LRIG3: variants seen among roughly 807,000 people sequenced by gnomAD.
The protein encoded by LRIG3 is leucine-rich repeats and immunoglobulin-like domains protein 3.
LRIG3 carries 76 observed loss-of-function variants against 114.5 expected under a neutral mutation model. The observed-to-expected ratio is 0.66, with a 90% CI of 0.55 to 0.80. The LOEUF (loss-of-function observed/expected upper bound fraction) is 0.80. Ranked by LOEUF, LRIG3 falls within the 30% of genes least tolerant of loss-of-function variation. The pLI is 0.00. For synonymous variants in LRIG3, 512 were observed against 519.8 expected, an observed-to-expected ratio of 0.98 and a Z score of 0.20; for missense variants, 1,239 against 1,382.8, an observed-to-expected ratio of 0.90 and a Z score of 1.65.
At chr12:58,915,625 T>G (rs147512709) in intron 1 of LRIG3, among the ~76,000 whole-genome samples, 3 of 152,152 alleles carry the variant, frequency 2.0e-5, no homozygotes, top group African/African-American at 7.2e-5. Context: ...CAGACATGAG[T>G]AGATTTGTTC....
intron 3 of LRIG3, among the ~76,000 whole-genome samples, chr12:58,896,366 TGTTA>T (rs1328949475): frequency 1.3e-5 from 2 of 152,234 alleles, no homozygotes; most frequent in African/African-American, 4.8e-5. Flanking sequence ...ATATAAATGG[TGTTA>T]GTTTAATTCC....
intron 10 of LRIG3, among the ~76,000 whole-genome samples, chr12:58,885,584 T>C (rs1368595874): frequency 6.6e-6 from 1 of 151,954 alleles, no homozygotes; most frequent in African/African-American, 2.4e-5. Context: ...TAAAAACCCA[T>C]TAAGGAGATA....
chr12:58,896,407 G>A (rs1172738483), intron 3 of LRIG3, among the ~76,000 whole-genome samples: 1 of 152,172 alleles, frequency 6.6e-6, no homozygotes, highest in African/African-American at 2.4e-5. Context: ...ACCACAGAGT[G>A]GAATATTCTT....
At chr12:58,900,537 A>G (rs1871807823) in intron 3 of LRIG3, among the ~76,000 whole-genome samples, 4 of 152,214 alleles carry the variant, frequency 2.6e-5, no homozygotes, top group African/African-American at 7.2e-5. Context: ...TAGAAATTCA[A>G]TGAATGAAAC....
chr12:58,912,357 G>A (rs1023520823), intron 3 of LRIG3, among the ~76,000 whole-genome samples: 6 of 152,106 alleles, frequency 3.9e-5, no homozygotes, highest in African/African-American at 1.2e-4. Flanking sequence ...CTAGCCGGGC[G>A]TAGTGGCGGA....
chr12:58,880,307 A>G (rs1871079968), intron 13 of LRIG3: 2 of 539,866 alleles, frequency 3.7e-6, no homozygotes, highest in Non-Finnish European at 3.4e-6. Flanking sequence ...CTCAAAAAAA[A>G]AAAAAAGAAA....
intron 10 of LRIG3, among the ~76,000 whole-genome samples, chr12:58,883,804 A>G (rs1871191166): frequency 6.6e-6 from 1 of 152,228 alleles, no homozygotes; most frequent in South Asian, 2.1e-4. Context: ...TGTTTTAGTG[A>G]AAAAGATTCA....
At chr12:58,905,925 T>C (rs1872047701) in intron 3 of LRIG3, among the ~76,000 whole-genome samples, 1 of 152,228 alleles carries the variant, frequency 6.6e-6, no homozygotes, top group South Asian at 2.1e-4. Context: ...TCTGTATAGC[T>C]TTCTGCATAG....
chr12:58,887,556 G>A (rs1310849313), intron 8 of LRIG3, among the ~76,000 whole-genome samples: 1 of 152,160 alleles, frequency 6.6e-6, no homozygotes, highest in African/African-American at 2.4e-5. Context: ...GAGATCCTGA[G>A]AAGGTTCACT....
chr12:58,879,248 G>T, intron 13 of LRIG3, 143 bp from the exon 14 acceptor site: 2 of 984,858 alleles, frequency 2.0e-6, no homozygotes, highest in South Asian at 1.8e-5. Flanking sequence ...CCAATTTCAA[G>T]TCAAGGAAAC....
chr12:58,873,919 C>G (rs2293659), intron 18 of LRIG3, 136 bp downstream of exon 18: 36,750 of 993,616 alleles, frequency 0.037, 778 homozygotes, highest in East Asian at 0.047. Context: ...TTTACACTAA[C>G]TAGTCGGATG....
chr12:58,888,374 C>T lies in LRIG3; in HGVS notation c.902G>A (p.Arg301Lys), dbSNP rs758156191. 1.9e-6 allele frequency: 3 copies of T among 1,613,900 alleles called. No individual in the cohort carries two copies. Among genetic ancestry groups the T allele is most frequent in the Non-Finnish European group, 2.5e-6 (3 of 1,179,858 alleles). ...ELHLSQNAIN[R>K]ISPDAWEFCQ... ...GAACTCCCAGGCATCAGGGCTGATC[C>T]TGTTGATGGCATTTTGGCTGAGATG... Residue 301 changes from arginine (R) to lysine (K), a missense_variant, in exon 7 of 19, where the codon AGG (arginine) becomes AAG (lysine). Coordinates refer to ENST00000320743, the MANE Select transcript of LRIG3 (RefSeq NM_153377.5).
chr12:58,880,063 A>G (rs1056156796), intron 13 of LRIG3, among the ~76,000 whole-genome samples: 1 of 152,166 alleles, frequency 6.6e-6, no homozygotes, highest in Non-Finnish European at 1.5e-5. Context: ...TTGTGAGGCC[A>G]AGGTGGGCAG....
chr12:58,879,199 T>C (rs1871036038), intron 13 of LRIG3, 94 bp from the exon 14 acceptor site: 3 of 1,369,858 alleles, frequency 2.2e-6, no homozygotes, highest in Non-Finnish European at 2.9e-6. Flanking sequence ...GTTTGATACT[T>C]ACAGATTGTC....
At chr12:58,904,161 G>A (rs907118509) in intron 3 of LRIG3, among the ~76,000 whole-genome samples, 4 of 152,156 alleles carry the variant, frequency 2.6e-5, no homozygotes, top group Non-Finnish European at 5.9e-5. Flanking sequence ...GCCAAAGAGA[G>A]AGGAGGTGGT....
intron 3 of LRIG3, among the ~76,000 whole-genome samples, chr12:58,896,314 A>T (rs897295849): frequency 6.6e-6 from 1 of 152,218 alleles, no homozygotes; most frequent in Admixed American, 6.5e-5. Context: ...ATCTCCAGAA[A>T]GCATAAGTGT....
rs763562669 is a variant in LRIG3 at position 58,874,301 on chromosome 12, T to C, written c.2869A>G (p.Met957Val). ...GCSPDPRTVL[M>V]DHYEPSYIKK... ...ATGTAACTGGGCTCATAGTGGTCCATTAAAACTGTTCTTGGGTCAGGACTG... is the reference window on the plus strand; with the variant it reads ...ATGTAACTGGGCTCATAGTGGTCCACTAAAACTGTTCTTGGGTCAGGACTG... The change falls in exon 18 of 19, where the codon ATG becomes GTG. Residue 957 changes from methionine (M) to valine (V), a missense_variant. Transcript: ENST00000320743. 1.2e-6 allele frequency: 2 copies of C among 1,612,858 alleles called. No individual in the cohort carries two copies. Among genetic ancestry groups the C allele is most frequent in the South Asian group, 1.1e-5 (1 of 90,798 alleles).
chr12:58,872,479 A>T lies in LRIG3; in HGVS notation c.*93T>A, dbSNP rs528820606. The T allele has an allele frequency of 2.5e-3, 3,331 of 1,359,096 alleles. 5 individuals carry two copies. The highest frequency in any genetic ancestry group is 3.1e-3 in the Non-Finnish European group (3,175 of 1,030,776). The allele number at this position is 1,359,096 out of a possible 1,614,324, so 84.2% of individuals were successfully genotyped here. ...AAGCATTTTTATCCTTTTAAAATTC[A>T]TAACTCCATTTAAAAAACATAAGAT... On this transcript the variant is annotated 3_prime_UTR_variant, in exon 19 of 19. Transcript: ENST00000320743.
At chr12:58,876,106 A>T (rs1269717205) in intron 16 of LRIG3, among the ~76,000 whole-genome samples, 2 of 152,218 alleles carry the variant, frequency 1.3e-5, no homozygotes. Flanking sequence ...AATAATGTAA[A>T]CCATTAGACT....
Sources: gnomAD v4.1 joint callset for allele counts (sites outside exome capture counted in the v4.1 genomes callset) on GRCh38, gnomAD v4.1.1 for gene constraint, MANE v1.5 for transcripts, NCBI Gene and HGNC (gene_info 2026-07-23, HGNC 2026-07-21) for gene names.